Variants in CTNNA2 observed in about 807,000 individuals in gnomAD.
CTNNA2 encodes the protein catenin alpha 2, also known as catenin alpha-2.
A neutral mutation model predicts 101.0 loss-of-function variants in CTNNA2; 42 were observed. The ratio of observed to expected loss-of-function variants is 0.42; its 90% CI spans 0.32 to 0.54. The LOEUF (loss-of-function observed/expected upper bound fraction) is 0.54, where lower values mean the gene tolerates loss of function less well. CTNNA2 is among the 20% of genes least tolerant of loss of function. The pLI is 0.14. For synonymous variants in CTNNA2, 450 were observed against 456.4 expected (o/e 0.99, Z 0.18); for missense variants, 871 against 1,223.1 (o/e 0.71, Z 4.29).
chr2:80,216,856 G>A (rs989274583), intron 7 of CTNNA2, among the ~76,000 whole-genome samples: 1 of 92,924 alleles, frequency 1.1e-5, no homozygotes, highest in African/African-American at 4.1e-5. Context: ...TTTTTTTTTT[G>A]AGATGAATTC....
At chr2:79,416,928 G>A (rs1678490322) in intron 4 of CTNNA2, among the ~76,000 whole-genome samples, 1 of 151,958 alleles carries the variant, frequency 6.6e-6, no homozygotes, top group South Asian at 2.1e-4. Flanking sequence ...TTATCTCATG[G>A]CACATTAGCA....
chr2:80,534,441 C>T (rs965055581), intron 9 of CTNNA2, among the ~76,000 whole-genome samples: 1 of 152,088 alleles, frequency 6.6e-6, no homozygotes, highest in Non-Finnish European at 1.5e-5. Context: ...TAAGTTATGA[C>T]AAATTGAGTG....
chr2:80,569,891 C>T (rs1212221244), intron 12 of CTNNA2, among the ~76,000 whole-genome samples: 2 of 151,922 alleles, frequency 1.3e-5, no homozygotes, highest in African/African-American at 4.8e-5. Flanking sequence ...ATCCACCCTC[C>T]TCGGCCTCCC....
chr2:79,254,988 G>A (rs186384530), intron 2 of CTNNA2, among the ~76,000 whole-genome samples: 1 of 152,280 alleles, frequency 6.6e-6, no homozygotes. Context: ...AGCTGAAGCA[G>A]AATCACCCTG....
chr2:80,477,269 C>T (rs1198777479), intron 9 of CTNNA2, among the ~76,000 whole-genome samples: 1 of 152,104 alleles, frequency 6.6e-6, no homozygotes, highest in Non-Finnish European at 1.5e-5. Flanking sequence ...TTCTGATTAT[C>T]TTAAGTGGTT....
chr2:79,885,430 A>G (rs1165276215), intron 6 of CTNNA2, among the ~76,000 whole-genome samples: 1 of 152,190 alleles, frequency 6.6e-6, no homozygotes, highest in Non-Finnish European at 1.5e-5. Context: ...TGACTGGCTC[A>G]TGGATTCTTA....
intron 7 of CTNNA2, among the ~76,000 whole-genome samples, chr2:80,038,447 G>T (rs572981428): frequency 1.3e-5 from 2 of 152,142 alleles, no homozygotes; most frequent in African/African-American, 4.8e-5. Context: ...GAGGCCGGGC[G>T]CGGTGACTCA....
At chr2:80,424,189 T>G (rs543841808) in intron 9 of CTNNA2, among the ~76,000 whole-genome samples, 1 of 152,060 alleles carries the variant, frequency 6.6e-6, no homozygotes. Flanking sequence ...CTCCTGACTT[T>G]GTGATCTGCC....
chr2:79,257,943 C>G (rs1239245150), intron 2 of CTNNA2, among the ~76,000 whole-genome samples: 2 of 152,110 alleles, frequency 1.3e-5, no homozygotes, highest in African/African-American at 4.8e-5. Context: ...TCCAGTCTTT[C>G]TTTGGCAATC....
At chr2:80,496,071 G>A (rs915184232) in intron 9 of CTNNA2, among the ~76,000 whole-genome samples, 10 of 151,900 alleles carry the variant, frequency 6.6e-5, no homozygotes, top group African/African-American at 2.4e-4. Flanking sequence ...AAACATTGCT[G>A]GGCAAACCAC....
At chr2:80,556,987 T>C (rs1055756861) in intron 12 of CTNNA2, among the ~76,000 whole-genome samples, 21 of 152,326 alleles carry the variant, frequency 1.4e-4, no homozygotes, top group African/African-American at 4.6e-4. Flanking sequence ...AGAAATATGT[T>C]GCTTTTTATG....
intron 7 of CTNNA2, among the ~76,000 whole-genome samples, chr2:80,086,162 A>C (rs1699428481): frequency 6.6e-6 from 1 of 152,094 alleles, no homozygotes; most frequent in Non-Finnish European, 1.5e-5. Context: ...CAAATGTTGC[A>C]GATTCTGGCA....
At chr2:79,290,951 G>T (rs1384332320) in intron 2 of CTNNA2, among the ~76,000 whole-genome samples, 2 of 152,116 alleles carry the variant, frequency 1.3e-5, no homozygotes, top group African/African-American at 4.8e-5. Flanking sequence ...AACTAAAAGA[G>T]CACCCTGTAA....
At chr2:80,318,675 T>C (rs1350998679) in intron 7 of CTNNA2, among the ~76,000 whole-genome samples, 2 of 152,182 alleles carry the variant, frequency 1.3e-5, no homozygotes, top group Non-Finnish European at 1.5e-5. Flanking sequence ...TGGGTGGTTT[T>C]CTAACTGAAA....
chr2:80,551,757 C>G (rs1002696598), intron 11 of CTNNA2, among the ~76,000 whole-genome samples: 1 of 152,280 alleles, frequency 6.6e-6, no homozygotes, highest in South Asian at 2.1e-4. Flanking sequence ...CAAACTTTCT[C>G]CATATTAGCA....
chr2:80,583,090 T>C (rs563776627), intron 14 of CTNNA2, among the ~76,000 whole-genome samples: 1 of 152,308 alleles, frequency 6.6e-6, no homozygotes, highest in East Asian at 1.9e-4. Context: ...AAGGGCAGCA[T>C]TAGAACCATG....
Position 80,239,462 on chromosome 2 carries a change from C to G in CTNNA2, c.1057-153749C>G, listed in dbSNP as rs310783. 2.0e-5 allele frequency among the ~76,000 whole-genome samples: 3 copies of G among 152,104 alleles called. No individual in the cohort carries two copies. The East Asian group carries it at 5.8e-4, about 29-fold the overall frequency. ...TTGAAGCAAATACAATAGCCCCCCT[C>G]TTATCCACGGGGAATACGTTCCAAG... On this transcript the variant is annotated intron_variant, in intron 7 of 18. Transcript: ENST00000402739.
intron 7 of CTNNA2, among the ~76,000 whole-genome samples, chr2:79,914,147 A>G (rs1443142101): frequency 1.4e-5 from 2 of 140,452 alleles, no homozygotes; most frequent in Non-Finnish European, 3.0e-5. Flanking sequence ...AGCCTGGGCG[A>G]CAGAGCGAGA....
intron 6 of CTNNA2, among the ~76,000 whole-genome samples, chr2:79,903,010 A>G (rs1237180847): frequency 6.6e-6 from 1 of 152,138 alleles, no homozygotes; most frequent in Admixed American, 6.5e-5. Flanking sequence ...CCCCTCTAAC[A>G]TTGCAGTGTA....
Sources: allele counts gnomAD v4.1 joint callset (sites outside exome capture counted in the v4.1 genomes callset), GRCh38; gene constraint gnomAD v4.1.1; transcripts MANE v1.5; gene names NCBI Gene and HGNC (gene_info 2026-07-23, HGNC 2026-07-21).